Variants in STK38 observed in about 807,000 individuals in gnomAD.
STK38 encodes the protein serine/threonine-protein kinase 38.
STK38 carries 26 observed loss-of-function variants against 59.0 expected under a neutral mutation model. That is an observed-to-expected ratio of 0.44 (90% CI 0.32 to 0.61). The LOEUF is 0.61. Ranked by LOEUF, STK38 falls within the 20% of genes least tolerant of loss-of-function variation. The pLI is 0.04. For missense variants in STK38, 433 were observed against 566.0 expected, an observed-to-expected ratio of 0.76 and a Z score of 2.38; for synonymous variants, 175 against 176.6, an observed-to-expected ratio of 0.99 and a Z score of 0.07.
chr6:36,532,639 CA>C (rs1245935706), intron 2 of STK38, among the ~76,000 whole-genome samples: 1 of 151,936 alleles, frequency 6.6e-6, no homozygotes, highest in African/African-American at 2.4e-5. Flanking sequence ...AGGCCAAGCA[CA>C]GTGGCTCACA....
At chr6:36,537,009 A>G (rs1777807947) in intron 2 of STK38, among the ~76,000 whole-genome samples, 1 of 152,136 alleles carries the variant, frequency 6.6e-6, no homozygotes, top group Admixed American at 6.6e-5. Context: ...GGGAGAGATT[A>G]CTTACGAAAC....
chr6:36,507,985 G>C (rs1279977559), intron 7 of STK38, among the ~76,000 whole-genome samples: 2 of 145,258 alleles, frequency 1.4e-5, no homozygotes, highest in East Asian at 4.0e-4. Flanking sequence ...CCAAACTGGA[G>C]TACAATGGCG....
intron 2 of STK38, among the ~76,000 whole-genome samples, chr6:36,527,204 A>G (rs1038906431): frequency 2.3e-5 from 3 of 132,400 alleles, no homozygotes; most frequent in Non-Finnish European, 3.1e-5. Context: ...AAAAAAAAAA[A>G]AAAATATATG....
chr6:36,540,346 G>A, intron 1 of STK38, 139 bp from the exon 2 acceptor site: 1 of 784,960 alleles, frequency 1.3e-6, no homozygotes, highest in East Asian at 2.7e-5. Flanking sequence ...AAAAGCCAGA[G>A]AAAGAGAATA....
chr6:36,502,667 C>T (rs1776867513), intron 9 of STK38, among the ~76,000 whole-genome samples: 1 of 152,006 alleles, frequency 6.6e-6, no homozygotes, highest in Non-Finnish European at 1.5e-5. Context: ...AATGAATAGC[C>T]ACGAGTTCAA....
Position 36,507,061 on chromosome 6 carries a change from T to C in STK38, c.773-417A>G, listed in dbSNP as rs550047159. On this transcript the variant is annotated intron_variant, in intron 8 of 13. Coordinates refer to ENST00000229812, the MANE Select transcript of STK38 (RefSeq NM_007271.4). ...TGAATTTATGATACATGATTTGACATATGCTTTTCTAGGATGAACTGAAAT... is the reference window on the plus strand; with the variant it reads ...TGAATTTATGATACATGATTTGACACATGCTTTTCTAGGATGAACTGAAAT... Among the ~76,000 whole-genome samples the C allele has an allele frequency of 4.7e-4, 72 of 152,350 alleles. 1 individual carries two copies. In the East Asian group the frequency reaches 0.012, roughly 26 times the overall value.
intron 2 of STK38, among the ~76,000 whole-genome samples, chr6:36,532,350 C>A (rs1304480839): frequency 1.3e-5 from 2 of 150,142 alleles, no homozygotes; most frequent in Non-Finnish European, 3.0e-5. Context: ...TTGTTTCTCA[C>A]AATCCAACTT....
chr6:36,546,748 A>G (rs1174412629), intron 1 of STK38, among the ~76,000 whole-genome samples: 1 of 152,172 alleles, frequency 6.6e-6, no homozygotes, highest in East Asian at 1.9e-4. Context: ...AGCCGACTCA[A>G]AGATACCACA....
chr6:36,517,854 C>T lies in STK38; in HGVS notation c.391-14G>A, dbSNP rs1400819706. The T allele has an allele frequency of 1.2e-6, 2 of 1,611,370 alleles. No homozygotes were observed. The highest frequency in any genetic ancestry group is 2.2e-5 in the South Asian group (2 of 90,770). The stretch of plus-strand genomic sequence containing the variant: ...AATGTGGCCAACCTGGAGGTATATG[C>T]ATTTGATTAATGACAAAGCTTGCTC... On this transcript the variant is annotated splice_polypyrimidine_tract_variant and intron_variant, in intron 5 of 13. Coordinates refer to ENST00000229812, the MANE Select transcript of STK38 (RefSeq NM_007271.4).
intron 4 of STK38, 102 bp downstream of exon 4, chr6:36,524,239 A>G: frequency 7.1e-7 from 1 of 1,412,498 alleles, no homozygotes; most frequent in African/African-American, 1.5e-5. Context: ...GACTCATTTA[A>G]TTCCATATAT....
rs1258970986 is a variant in STK38, at chr6:36,496,696, T to C, written c.1267+15A>G. On this transcript the variant is annotated intron_variant, in intron 13 of 13. Transcript: ENST00000229812. ...GTGCTTATAAGGCAGCAGGAGACAA[T>C]GCTGGTGGTGTTACCTGTTGGCTTA... 5.0e-6 allele frequency: 8 copies of C among 1,594,454 alleles called. No individual in the cohort carries two copies. The highest frequency in any genetic ancestry group is 6.9e-6 in the Non-Finnish European group (8 of 1,162,826).
intron 7 of STK38, among the ~76,000 whole-genome samples, chr6:36,513,520 G>A (rs1180495940): frequency 6.6e-6 from 1 of 151,294 alleles, no homozygotes; most frequent in Non-Finnish European, 1.5e-5. Context: ...TCACCATGTT[G>A]GCCAGGATGG....
chr6:36,540,650 G>A (rs1379303143), intron 1 of STK38, among the ~76,000 whole-genome samples: 1 of 152,056 alleles, frequency 6.6e-6, no homozygotes, highest in East Asian at 1.9e-4. Context: ...TTTTGAGATG[G>A]AGTTTCGCTC....
intron 8 of STK38, among the ~76,000 whole-genome samples, 186 bp from the exon 9 acceptor site, chr6:36,506,830 ATTAAC>A (rs1776974070): frequency 6.7e-6 from 1 of 148,820 alleles, no homozygotes; most frequent in Admixed American, 6.7e-5. Flanking sequence ...GCTGTAAAGC[ATTAAC>A]TTAAAAGACT....
At chr6:36,517,575 A>C in intron 6 of STK38, 142 bp downstream of exon 6, 1 of 1,034,772 alleles carries the variant, frequency 9.7e-7, no homozygotes, top group Non-Finnish European at 1.4e-6. Flanking sequence ...CAGGTTACTG[A>C]CTTCCTTTAT....
chr6:36,498,820 G>C (rs1030089699), intron 10 of STK38, among the ~76,000 whole-genome samples: 1 of 151,890 alleles, frequency 6.6e-6, no homozygotes, highest in Non-Finnish European at 1.5e-5. Flanking sequence ...TGAACTCCTG[G>C]GTTTAAGAGA....
At position 36,498,449 on chromosome 6, in the gene STK38, T is replaced by C; in HGVS notation, c.990A>G (p.Thr330=). Residue 330 remains threonine (T), a synonymous_variant, in exon 11 of 14, where the codon ACA becomes ACG. Transcript: ENST00000229812. The stretch of plus-strand genomic sequence containing the variant: ...CTTTCCAGTTCATCACCTTCTTATA[T>C]GTCTCTTGAGGGGTCTCAGAACAGA... The part of the protein sequence containing the change: ...PPFCSETPQE[T]YKKVMNWKET... 6.2e-7 allele frequency: 1 copy of C among 1,614,000 alleles called. No homozygotes were observed. Among genetic ancestry groups the C allele is most frequent in the Non-Finnish European group, 8.5e-7 (1 of 1,179,978 alleles).
Position 36,495,756 on chromosome 6 carries a change from C to T in STK38, c.*28G>A, listed in dbSNP as rs1434247936. On this transcript the variant is annotated 3_prime_UTR_variant, in exon 14 of 14. Coordinates refer to ENST00000229812, the MANE Select transcript of STK38 (RefSeq NM_007271.4). ...GCATGATGTTATACAAAGAACTCTG[C>T]TCCACATAGGATTCCGTGGCAAGAG... 3 of 1,612,892 alleles carry T rather than the reference C, an allele frequency of 1.9e-6. No homozygotes were observed. The highest frequency in any genetic ancestry group is 1.7e-6 in the Non-Finnish European group (2 of 1,179,264).
rs1776747905 is a variant in STK38 at position 36,498,015 on chromosome 6, C to T, written c.1077-140G>A. 3 of 637,344 alleles carry T rather than the reference C, an allele frequency of 4.7e-6. No homozygotes were observed. The Admixed American group carries it at 9.1e-5, about 19-fold the overall frequency. 39.5% of individuals were successfully genotyped at this position (637,344 alleles called of 1,614,324 possible). Reference sequence around the variant, plus strand: ...AGTGCAGTAGCACAATCATGGCTCACTGCAGCCTCAACTTCCTGGGCTCAA... The same window carrying T: ...AGTGCAGTAGCACAATCATGGCTCATTGCAGCCTCAACTTCCTGGGCTCAA... On this transcript the variant is annotated intron_variant, in intron 11 of 13. Transcript: ENST00000229812.
Sources: allele counts gnomAD v4.1 joint callset (sites outside exome capture counted in the v4.1 genomes callset), GRCh38; gene constraint gnomAD v4.1.1; transcripts MANE v1.5; gene names NCBI Gene and HGNC (gene_info 2026-07-23, HGNC 2026-07-21).